The following BDP1 variants were observed in gnomAD, a reference collection of about 807,000 sequenced individuals.
BDP1 encodes the protein BDP1 general transcription factor IIIB subunit.
BDP1 carries 169 observed loss-of-function variants against 266.6 expected under a neutral mutation model. That is an observed-to-expected ratio of 0.63 (90% CI 0.56 to 0.72). The LOEUF is 0.72. Among genes scored for constraint, BDP1 ranks in the 30% least tolerant of loss-of-function variants. The pLI is 0.00. For synonymous variants in BDP1, 1,090 were observed against 1,022.4 expected (o/e 1.07, Z -1.26); for missense variants, 3,015 against 3,053.8 (o/e 0.99, Z 0.30).
intron 25 of BDP1, among the ~76,000 whole-genome samples, chr5:71,526,150 T>C (rs1446209768): frequency 6.6e-6 from 1 of 150,490 alleles, no homozygotes; most frequent in African/African-American, 2.4e-5. Flanking sequence ...CTGGGCACCA[T>C]TGAGCACTGA....
At chr5:71,467,995 C>T (rs1269414742) in intron 6 of BDP1, among the ~76,000 whole-genome samples, 1 of 152,050 alleles carries the variant, frequency 6.6e-6, no homozygotes, top group East Asian at 1.9e-4. Flanking sequence ...CGTGTGCCAC[C>T]AAACCCAGCT....
intron 22 of BDP1, among the ~76,000 whole-genome samples, chr5:71,521,291 G>GT (rs1206948176): frequency 0.016 from 2,125 of 133,498 alleles, 40 homozygotes; most frequent in East Asian, 0.052. Context: ...GTTTATATTA[G>GT]TTTTTTTTTT....
intron 13 of BDP1, among the ~76,000 whole-genome samples, chr5:71,499,246 C>T (rs1026159011): frequency 1.6e-4 from 25 of 152,278 alleles, no homozygotes; most frequent in Admixed American, 4.6e-4. Context: ...ATTACAGGCG[C>T]GCGCCTCTAT....
chr5:71,548,531 A>C (rs1318313844), intron 32 of BDP1, 151 bp from the exon 33 acceptor site: 3 of 541,768 alleles, frequency 5.5e-6, no homozygotes, highest in African/African-American at 3.9e-5. Flanking sequence ...TCAAAAGTTT[A>C]TTGGAACAGC....
chr5:71,522,654 G>A, intron 23 of BDP1, 102 bp from the exon 24 acceptor site: 2 of 1,230,808 alleles, frequency 1.6e-6, no homozygotes, highest in Middle Eastern at 2.1e-4. Flanking sequence ...CCAACTGCTT[G>A]TAGATATGTG....
chr5:71,497,161 CTAAG>C, intron 12 of BDP1, 105 bp from the exon 13 acceptor site: 2 of 924,316 alleles, frequency 2.2e-6, no homozygotes, highest in Non-Finnish European at 3.2e-6. Flanking sequence ...TACTCTTGTT[CTAAG>C]TAAGCTCTTA....
At chr5:71,561,337 G>A (rs1007736303) in intron 37 of BDP1, among the ~76,000 whole-genome samples, 1 of 150,846 alleles carries the variant, frequency 6.6e-6, no homozygotes, top group Non-Finnish European at 1.5e-5. Flanking sequence ...GGAGGCGGAG[G>A]GTGCGGTGAG....
intron 38 of BDP1, among the ~76,000 whole-genome samples, chr5:71,563,898 A>T (rs2112127784): frequency 6.6e-6 from 1 of 152,300 alleles, no homozygotes; most frequent in East Asian, 1.9e-4. Context: ...GCTTTGTCTT[A>T]AAATAAATAA....
At chr5:71,516,401 G>T in intron 21 of BDP1, 130 bp downstream of exon 21, 1 of 651,358 alleles carries the variant, frequency 1.5e-6, no homozygotes, top group Non-Finnish European at 2.5e-6. Context: ...TTCCAGTTTT[G>T]TTTCAGATTT....
Position 71,495,126 on chromosome 5 carries a change from A to C in BDP1, c.1641-124A>C, listed in dbSNP as rs566941659. 43 of 513,166 alleles carry C rather than the reference A, an allele frequency of 8.4e-5. 1 individual carries two copies. In the Admixed American group the frequency reaches 1.5e-3, roughly 18 times the overall value. The allele number at this position is 513,166 out of a possible 1,614,324, so 31.8% of individuals were successfully genotyped here. On this transcript the variant is annotated intron_variant, in intron 11 of 38. Transcript: ENST00000358731. ...AAAAGCTAATGTAGCAGTTTGTATTACTCTATAATGTGAAGCAGCATCTTG... is the reference window on the plus strand; with the variant it reads ...AAAAGCTAATGTAGCAGTTTGTATTCCTCTATAATGTGAAGCAGCATCTTG...
chr5:71,478,937 ACT>A (rs1394322011), intron 7 of BDP1, among the ~76,000 whole-genome samples: 1 of 151,126 alleles, frequency 6.6e-6, no homozygotes, highest in Non-Finnish European at 1.5e-5. Flanking sequence ...AAGTTCACTG[ACT>A]CTGTCTTTTG....
In BDP1 at chr5:71,455,999, C is replaced by T. The variant is rs368685138; in HGVS notation, c.122C>T (p.Thr41Met). 1.4e-5 allele frequency: 23 copies of T among 1,613,502 alleles called. No homozygotes were observed. The highest frequency in any genetic ancestry group is 1.9e-5 in the Non-Finnish European group (23 of 1,180,004). Reference sequence around the variant, plus strand: ...TCTCCCAGGCCGCCGGATCCTGCCACGGACTCTGCTTCCAAGCCCGCGGAG... The same window carrying T: ...TCTCCCAGGCCGCCGGATCCTGCCATGGACTCTGCTTCCAAGCCCGCGGAG... ...RESPRPPDPA[T>M]DSASKPAEPT... The change falls in exon 1 of 39, where the codon ACG (threonine) becomes ATG (methionine). Residue 41 changes from threonine to methionine, a missense_variant. Physicochemically the swap from Thr to Met is moderately conservative, Grantham distance 81 (BLOSUM62 -1). Coordinates refer to ENST00000358731, the MANE Select transcript of BDP1 (RefSeq NM_018429.3).
At chr5:71,508,471 ATT>A (rs113929106) in intron 16 of BDP1, among the ~76,000 whole-genome samples, 1 of 144,446 alleles carries the variant, frequency 6.9e-6, no homozygotes. Flanking sequence ...CACTTGACTA[ATT>A]TTTTTTTTTT....
chr5:71,522,258 G>A lies in BDP1; in HGVS notation c.4992-31G>A, dbSNP rs369048743. 32 of 1,561,104 alleles carry A rather than the reference G, an allele frequency of 2.0e-5. No individual in the cohort carries two copies. The African/African-American group carries it at 3.8e-4, about 19-fold the overall frequency. ...ATATCAACAAGAAATTCTGATTTTT[G>A]TTCTTCAACATGATTCATACTTCAT... On this transcript the variant is annotated intron_variant, in intron 22 of 38. Transcript: ENST00000358731.
chr5:71,577,228 T>G, the BDP1 span, among the ~76,000 whole-genome samples: 1 of 152,228 alleles, frequency 6.6e-6, no homozygotes, highest in Non-Finnish European at 1.5e-5. Context: ...TGAAACTTCT[T>G]CTAACTCAGT....
chr5:71,468,453 A>T (rs1453035488), intron 6 of BDP1, among the ~76,000 whole-genome samples: 2 of 141,818 alleles, frequency 1.4e-5, no homozygotes, highest in East Asian at 2.1e-4. Flanking sequence ...CAGCCCAGAA[A>T]TTTTTTTTTT....
intron 34 of BDP1, among the ~76,000 whole-genome samples, chr5:71,550,641 A>G (rs1263468047): frequency 6.6e-6 from 1 of 152,018 alleles, no homozygotes; most frequent in Non-Finnish European, 1.5e-5. Context: ...TTTTGGAAGT[A>G]AGTTATATCT....
At chr5:71,477,793 A>G (rs1762684079) in intron 7 of BDP1, among the ~76,000 whole-genome samples, 1 of 150,686 alleles carries the variant, frequency 6.6e-6, no homozygotes, top group Non-Finnish European at 1.5e-5. Flanking sequence ...TAATTTTTCT[A>G]TTTTTTTGTA....
At chr5:71,559,838 A>G (rs1743501016) in intron 36 of BDP1, 144 bp from the exon 37 acceptor site, 5 of 754,396 alleles carry the variant, frequency 6.6e-6, no homozygotes, top group Admixed American at 2.9e-5. Flanking sequence ...TAATAATCCA[A>G]GTAACTCCAC....
Sources: gnomAD v4.1 joint callset for allele counts (sites outside exome capture counted in the v4.1 genomes callset) on GRCh38, gnomAD v4.1.1 for gene constraint, MANE v1.5 for transcripts, NCBI Gene and HGNC (gene_info 2026-07-23, HGNC 2026-07-21) for gene names.